The following EIF2S3 variants were observed in gnomAD, a reference collection of about 807,000 sequenced individuals.
EIF2S3 encodes eukaryotic translation initiation factor 2 subunit 3.
A neutral mutation model predicts 31.7 loss-of-function variants in EIF2S3; 2 were observed. That is an observed-to-expected ratio of 0.06 (90% confidence interval 0.03 to 0.20). The LOEUF (loss-of-function observed/expected upper bound fraction) is 0.20. Ranked by LOEUF, EIF2S3 falls within the 10% of genes least tolerant of loss-of-function variation. EIF2S3 has a pLI of 1.00. For missense variants in EIF2S3, 96 were observed against 359.3 expected, an observed-to-expected ratio of 0.27 and a Z score of 5.92; for synonymous variants, 120 against 126.7, an observed-to-expected ratio of 0.95 and a Z score of 0.36.
At chrX:24,067,316 G>A (rs1286586617) in intron 8 of EIF2S3, among the ~76,000 whole-genome samples, 1 of 110,833 alleles carries the variant, frequency 9.0e-6, no homozygotes, top group East Asian at 2.9e-4. Flanking sequence ...TGGGATTACA[G>A]GCATAAGCCA....
In EIF2S3 at chrX:24,075,887, A is replaced by G. The variant is rs144649547; in HGVS notation, c.1356-835A>G. On this transcript the variant is annotated intron_variant, in intron 11 of 11. Coordinates refer to ENST00000253039, the MANE Select transcript of EIF2S3 (RefSeq NM_001415.4). ...ATCAGCTAATTTTTTTGTTTTTTGTAGACACTTGGTCTCACTGTGTTGCCC... is the reference window on the plus strand; with the variant it reads ...ATCAGCTAATTTTTTTGTTTTTTGTGGACACTTGGTCTCACTGTGTTGCCC... Among the ~76,000 whole-genome samples, 73 of 109,768 alleles carry G rather than the reference A, an allele frequency of 6.7e-4. 1 individual carries two copies. The highest frequency in any genetic ancestry group is 8.7e-4 in the Non-Finnish European group (46 of 52,637).
chrX:24,073,415 G>T, intron 11 of EIF2S3, 152 bp downstream of exon 11: 1 of 755,568 alleles, frequency 1.3e-6, no homozygotes. Flanking sequence ...TACTTCGGCC[G>T]GGTGCGGTGG....
At chrX:24,064,467 C>T in intron 7 of EIF2S3, 132 bp downstream of exon 7, 1 of 854,556 alleles carries the variant, frequency 1.2e-6, no homozygotes, top group Middle Eastern at 3.0e-4. Flanking sequence ...GAAATCAATT[C>T]TGAGATTGTA....
intron 2 of EIF2S3, among the ~76,000 whole-genome samples, chrX:24,056,734 C>T (rs1930409684): frequency 9.0e-6 from 1 of 111,394 alleles, no homozygotes; most frequent in Non-Finnish European, 1.9e-5. Context: ...TGGTGCATGC[C>T]TGCAGTCCCA....
intron 5 of EIF2S3, among the ~76,000 whole-genome samples, chrX:24,062,044 G>A (rs757063283): frequency 9.0e-6 from 1 of 111,637 alleles, no homozygotes; most frequent in South Asian, 3.8e-4. Context: ...CCTTATTAGG[G>A]TTAGAACATT....
rs754129609 is a variant in EIF2S3, at chrX:24,066,103, T to A, written c.867+11T>A. 2 of 1,102,033 alleles carry A rather than the reference T, an allele frequency of 1.8e-6. No individual in the cohort carries two copies. Among genetic ancestry groups the A allele is most frequent in the East Asian group, 6.1e-5 (2 of 32,700 alleles). 90.8% of individuals were successfully genotyped at this position (1,102,033 alleles called of 1,213,427 possible). ...AAAGGAGTATTAAAGGTAAAATGGG[T>A]TTTGGTTGTTGTGATTTTGGGTTTT... On this transcript the variant is annotated intron_variant, in intron 8 of 11. Coordinates refer to ENST00000253039, the MANE Select transcript of EIF2S3 (RefSeq NM_001415.4).
At chrX:24,068,971 TTTAGA>T (rs1292404473) in intron 9 of EIF2S3, among the ~76,000 whole-genome samples, 1 of 112,049 alleles carries the variant, frequency 8.9e-6, no homozygotes, top group Non-Finnish European at 1.9e-5. Context: ...GTGTTGTACC[TTTAGA>T]TTAAAGAAGA....
At chrX:24,059,415 GT>G (rs1170074658) in intron 4 of EIF2S3, among the ~76,000 whole-genome samples, 211 of 100,630 alleles carry the variant, frequency 2.1e-3, no homozygotes, top group African/African-American at 7.3e-3. Flanking sequence ...TTGGAAAATT[GT>G]TTTTTTTTTT....
Position 24,073,758 on chromosome X carries a change from C to T in EIF2S3, c.1355+495C>T, listed in dbSNP as rs16982881. 6.1e-3 allele frequency among the ~76,000 whole-genome samples: 682 copies of T among 112,114 alleles called. 7 individuals are homozygous for T. The highest frequency in any genetic ancestry group is 0.021 in the African/African-American group (654 of 30,942). On this transcript the variant is annotated intron_variant, in intron 11 of 11. Coordinates refer to ENST00000253039, the MANE Select transcript of EIF2S3 (RefSeq NM_001415.4). ...CCAAATACTGTGATTGGCTTCTCTT[C>T]CTGTTAGACACAACCTATGCAAAAC...
intron 11 of EIF2S3, among the ~76,000 whole-genome samples, chrX:24,074,332 G>A (rs1054679924): frequency 1.8e-5 from 2 of 112,029 alleles, no homozygotes. Context: ...TAAATACACC[G>A]TGAAGTCTCC....
intron 5 of EIF2S3, among the ~76,000 whole-genome samples, chrX:24,061,887 G>C (rs999966307): frequency 9.0e-6 from 1 of 111,420 alleles, no homozygotes; most frequent in Non-Finnish European, 1.9e-5. Flanking sequence ...AAAGCTGAGT[G>C]CAGACCCTGA....
chrX:24,071,633 C>G lies in EIF2S3; in HGVS notation c.1088C>G (p.Ala363Gly). ...GGGCAAGTACTTGGTGCAGTCGGAG[C>G]TTTACCTGAGATATTCACAGAATTG... is the stretch of plus-strand genomic sequence containing the variant. ...MVGQVLGAVGALPEIFTELEI... is the reference protein window; with the variant it reads ...MVGQVLGAVGGLPEIFTELEI... The change falls in exon 10 of 12, where the codon GCT (alanine) becomes GGT (glycine). Residue 363 changes from alanine (A) to glycine (G), a missense_variant. By Grantham distance (60) the Ala-to-Gly change is moderately conservative (BLOSUM62 0). Coordinates refer to ENST00000253039, the MANE Select transcript of EIF2S3 (RefSeq NM_001415.4). 1 of 1,211,383 alleles carries G rather than the reference C, an allele frequency of 8.3e-7. No individual in the cohort carries two copies. The highest frequency in any genetic ancestry group is 1.1e-6 in the Non-Finnish European group (1 of 895,410).
intron 10 of EIF2S3, among the ~76,000 whole-genome samples, chrX:24,071,995 T>C (rs1354895730): frequency 1.9e-5 from 2 of 107,412 alleles, no homozygotes; most frequent in Non-Finnish European, 3.8e-5. Context: ...CTTGCCTCGG[T>C]TTCCCAAGTA....
intron 4 of EIF2S3, among the ~76,000 whole-genome samples, chrX:24,058,542 T>C (rs11795575): frequency 2.5e-5 from 2 of 79,196 alleles, no homozygotes; most frequent in African/African-American, 4.8e-5. Context: ...CTTTCTTTTT[T>C]TTTTTTTTTT....
At chrX:24,076,236 G>A (rs1036136961) in intron 11 of EIF2S3, among the ~76,000 whole-genome samples, 1 of 111,414 alleles carries the variant, frequency 9.0e-6, no homozygotes, top group Non-Finnish European at 1.9e-5. Flanking sequence ...ATAGATTTAA[G>A]CAATAAACTT....
chrX:24,070,449 T>TG (rs1184427409), intron 9 of EIF2S3, among the ~76,000 whole-genome samples: 10 of 82,157 alleles, frequency 1.2e-4, no homozygotes, highest in Non-Finnish European at 1.5e-4. Flanking sequence ...GTTTTTTTTT[T>TG]TTTTTTTTTT....
rs199708557 is a variant in EIF2S3, at chrX:24,076,922, TTCTC to T, written c.*139_*142del. The T allele has an allele frequency of 3.8e-5, 11 of 289,748 alleles. No individual in the cohort carries two copies. The South Asian group carries it at 9.4e-4, about 25-fold the overall frequency. The allele number at this position is 289,748 out of a possible 1,213,427, so 23.9% of individuals were successfully genotyped here. ...ACCTTAGTAGGTAACGGTAAGGTTATTCTCTTTTTTTTTTTTTTTTTTTTTGGTT... is the reference window on the plus strand; with the variant it reads ...ACCTTAGTAGGTAACGGTAAGGTTATTTTTTTTTTTTTTTTTTTTTTGGTT... On this transcript the variant is annotated 3_prime_UTR_variant, in exon 12 of 12. Transcript: ENST00000253039.
intron 5 of EIF2S3, chrX:24,060,614 G>T (rs148896029): frequency 1.5e-5 from 2 of 134,951 alleles, no homozygotes; most frequent in East Asian, 2.0e-4. Flanking sequence ...GAAGGGTAGC[G>T]TATGCTTTGT....
chrX:24,064,524 C>T (rs1930541325), intron 7 of EIF2S3, among the ~76,000 whole-genome samples, 189 bp downstream of exon 7: 1 of 112,607 alleles, frequency 8.9e-6, no homozygotes, highest in African/African-American at 3.2e-5. Context: ...GAGTCCTGAA[C>T]ACAGTAAGAA....
Sources: allele counts gnomAD v4.1 joint callset (sites outside exome capture counted in the v4.1 genomes callset), GRCh38; gene constraint gnomAD v4.1.1; transcripts MANE v1.5; gene names NCBI Gene and HGNC (gene_info 2026-07-23, HGNC 2026-07-21).